ATP6V0D2: variants seen among roughly 807,000 people sequenced by gnomAD.
The protein encoded by ATP6V0D2 is V-type proton ATPase subunit d 2.
Under a neutral mutation model 40.0 loss-of-function variants are expected in ATP6V0D2, and 40 were observed. The observed-to-expected ratio is 1.00, with a 90% CI of 0.78 to 1.30. The LOEUF (loss-of-function observed/expected upper bound fraction) is 1.30. Ranked by LOEUF, ATP6V0D2 falls within the 50% of genes most tolerant of loss-of-function variation. The pLI, the probability that ATP6V0D2 is intolerant of heterozygous loss-of-function variation, is 0.00. For missense variants in ATP6V0D2, 470 were observed against 423.1 expected, an observed-to-expected ratio of 1.11 and a Z score of -0.97; for synonymous variants, 179 against 156.3, an observed-to-expected ratio of 1.15 and a Z score of -1.08.
intron 2 of ATP6V0D2, among the ~76,000 whole-genome samples, chr8:86,117,930 GAA>G (rs935328678): frequency 2.6e-4 from 40 of 152,050 alleles, no homozygotes; most frequent in African/African-American, 9.2e-4. Flanking sequence ...TCAGATTATG[GAA>G]AGTCTTTGAT....
intron 1 of ATP6V0D2, among the ~76,000 whole-genome samples, chr8:86,102,374 T>C (rs1237482120): frequency 6.6e-6 from 1 of 152,208 alleles, no homozygotes. Flanking sequence ...AGGATTTTAG[T>C]TTACTTTTGC....
chr8:86,133,316 CTTTTTTTT>C (rs1242479597), intron 2 of ATP6V0D2, among the ~76,000 whole-genome samples: 4 of 77,298 alleles, frequency 5.2e-5, no homozygotes, highest in African/African-American at 2.1e-4. Flanking sequence ...AACAGAAAGT[CTTTTTTTT>C]TTTTTTTTTT....
intron 1 of ATP6V0D2, among the ~76,000 whole-genome samples, chr8:86,107,201 C>T (rs1157199935): frequency 6.6e-6 from 1 of 151,932 alleles, no homozygotes; most frequent in Non-Finnish European, 1.5e-5. Flanking sequence ...GATAAAAGGC[C>T]ATGAAATGGG....
At chr8:86,145,293 G>GA (rs1384059431) in intron 5 of ATP6V0D2, among the ~76,000 whole-genome samples, 5 of 85,810 alleles carry the variant, frequency 5.8e-5, no homozygotes, top group African/African-American at 1.8e-4. Context: ...AAGAAAGAAA[G>GA]AAAGAAAGAA....
At chr8:86,134,794 T>C (rs940782089) in intron 2 of ATP6V0D2, among the ~76,000 whole-genome samples, 1 of 152,194 alleles carries the variant, frequency 6.6e-6, no homozygotes, top group Non-Finnish European at 1.5e-5. Context: ...AATAGGTGAA[T>C]GGTTAAATAC....
intron 2 of ATP6V0D2, among the ~76,000 whole-genome samples, chr8:86,118,493 T>G (rs1000952507): frequency 1.3e-5 from 2 of 152,114 alleles, no homozygotes; most frequent in African/African-American, 4.8e-5. Flanking sequence ...TGAAAGAAGA[T>G]GCCAGGATTA....
intron 5 of ATP6V0D2, among the ~76,000 whole-genome samples, chr8:86,146,717 G>T (rs909015780): frequency 6.6e-6 from 1 of 152,000 alleles, no homozygotes; most frequent in African/African-American, 2.4e-5. Flanking sequence ...AAAATCCATT[G>T]AACAGTTTTT....
chr8:86,115,439 G>A (rs1208855324), intron 2 of ATP6V0D2, among the ~76,000 whole-genome samples: 1 of 134,310 alleles, frequency 7.4e-6, no homozygotes, highest in South Asian at 2.4e-4. Flanking sequence ...CGTGATCTCG[G>A]CTCACTGCAA....
At chr8:86,149,040 C>T (rs1799454958) in intron 5 of ATP6V0D2, among the ~76,000 whole-genome samples, 1 of 94,576 alleles carries the variant, frequency 1.1e-5, no homozygotes, top group Admixed American at 1.5e-4. Context: ...GAGTGAGACC[C>T]AATCTCCAAA....
At chr8:86,123,594 T>C (rs1818701571) in intron 2 of ATP6V0D2, among the ~76,000 whole-genome samples, 1 of 152,086 alleles carries the variant, frequency 6.6e-6, no homozygotes, top group South Asian at 2.1e-4. Flanking sequence ...AGAGAGAGAT[T>C]TAACAGGATT....
intron 2 of ATP6V0D2, among the ~76,000 whole-genome samples, chr8:86,115,445 T>C (rs1211548672): frequency 7.3e-6 from 1 of 137,230 alleles, no homozygotes; most frequent in Non-Finnish European, 1.5e-5. Context: ...CTCGGCTCAC[T>C]GCAACCTTCG....
At chr8:86,102,125 T>C (rs1322760967) in intron 1 of ATP6V0D2, among the ~76,000 whole-genome samples, 2 of 152,190 alleles carry the variant, frequency 1.3e-5, no homozygotes, top group African/African-American at 4.8e-5. Context: ...CATTGCCTCC[T>C]GAGTATAAAT....
intron 1 of ATP6V0D2, among the ~76,000 whole-genome samples, chr8:86,110,667 T>C (rs1818518974): frequency 6.6e-6 from 1 of 152,340 alleles, no homozygotes; most frequent in South Asian, 2.1e-4. Flanking sequence ...ACAGATGATA[T>C]ACAGGCTAAA....
chr8:86,129,102 C>T (rs995547092), intron 2 of ATP6V0D2, among the ~76,000 whole-genome samples: 14 of 152,206 alleles, frequency 9.2e-5, no homozygotes, highest in Admixed American at 5.2e-4. Flanking sequence ...AGGCACTCTA[C>T]GAGTGCTTTC....
intron 2 of ATP6V0D2, among the ~76,000 whole-genome samples, chr8:86,124,361 T>A (rs1349285216): frequency 6.6e-6 from 1 of 152,234 alleles, no homozygotes; most frequent in Non-Finnish European, 1.5e-5. Flanking sequence ...AGTAAAGGCT[T>A]ATGCGAGACT....
At chr8:86,147,286 G>A (rs1476671687) in intron 5 of ATP6V0D2, among the ~76,000 whole-genome samples, 7 of 152,078 alleles carry the variant, frequency 4.6e-5, no homozygotes, top group Non-Finnish European at 7.3e-5. Context: ...TGACCCCATC[G>A]GTCTGAGTTT....
In ATP6V0D2 at chr8:86,153,231, C is replaced by G; in HGVS notation, c.*254C>G. On this transcript the variant is annotated 3_prime_UTR_variant, in exon 8 of 8. Transcript: ENST00000285393. ...GGCCTTACAGGTTAGTTTTAATTAACTCTATGGTATTTTTCTTATTCTTGT... is the reference window on the plus strand; with the variant it reads ...GGCCTTACAGGTTAGTTTTAATTAAGTCTATGGTATTTTTCTTATTCTTGT... 1 of 258,372 alleles carries G rather than the reference C, an allele frequency of 3.9e-6. No homozygotes were observed. Among genetic ancestry groups the G allele is most frequent in the Non-Finnish European group, 7.2e-6 (1 of 138,502 alleles). The allele number at this position is 258,372 out of a possible 1,614,324, so 16.0% of individuals were successfully genotyped here. A position where few individuals can be genotyped will look rare whatever the true frequency, so the allele number is the denominator to read the frequency against.
chr8:86,108,339 G>T (rs1384776442), intron 1 of ATP6V0D2, among the ~76,000 whole-genome samples: 1 of 151,822 alleles, frequency 6.6e-6, no homozygotes, highest in Non-Finnish European at 1.5e-5. Flanking sequence ...TTGGGGTTTT[G>T]CCATGTTGCC....
chr8:86,113,355 G>C (rs1264682869), intron 1 of ATP6V0D2, among the ~76,000 whole-genome samples: 2 of 151,984 alleles, frequency 1.3e-5, no homozygotes, highest in African/African-American at 4.8e-5. Context: ...AGTGGCACAC[G>C]CCTGTGGCCC....
Sources: allele counts gnomAD v4.1 joint callset (sites outside exome capture counted in the v4.1 genomes callset), GRCh38; gene constraint gnomAD v4.1.1; transcripts MANE v1.5; gene names NCBI Gene and HGNC (gene_info 2026-07-23, HGNC 2026-07-21).